Variants in DYNLT3 observed in about 807,000 individuals in gnomAD.
DYNLT3 encodes dynein light chain Tctex-type 3, also known as protein 91/23.
Under a neutral mutation model 11.0 loss-of-function variants are expected in DYNLT3, and 4 were observed. That is an observed-to-expected ratio of 0.36 (90% CI 0.18 to 0.83). The LOEUF is 0.83. DYNLT3 is among the 40% of genes least tolerant of loss of function. DYNLT3 has a pLI of 0.47. For synonymous variants in DYNLT3, 37 were observed against 31.2 expected (o/e 1.18, Z -0.61); for missense variants, 91 against 91.1 (o/e 1.00, Z 0.01).
chrX:37,842,824 A>T (rs763470132), intron 2 of DYNLT3, among the ~76,000 whole-genome samples: 19 of 112,279 alleles, frequency 1.7e-4, no homozygotes, highest in Non-Finnish European at 3.2e-4. Flanking sequence ...GTTAACTACT[A>T]TTATCATATT....
chrX:37,846,506 TA>T, intron 1 of DYNLT3, 148 bp from the exon 2 acceptor site: 1 of 475,810 alleles, frequency 2.1e-6, no homozygotes, highest in Non-Finnish European at 3.4e-6. Context: ...CCTAAACACT[TA>T]AAAATACTGA....
intron 2 of DYNLT3, among the ~76,000 whole-genome samples, chrX:37,844,675 C>G (rs1439677723): frequency 8.9e-6 from 1 of 112,170 alleles, no homozygotes; most frequent in East Asian, 2.8e-4. Flanking sequence ...TATTCCTCCC[C>G]ATGGAGGTGG....
Position 37,847,506 on chromosome X carries a change from T to C in DYNLT3, c.5A>G (p.Glu2Gly). M[E>G]EYHRHCDEVG... ...CTCGTCGCAGTGGCGATGGTACTCC[T>C]CCATGGTAGCGCCGGCTCTCCCTGG... Residue 2 changes from glutamate to glycine, a missense_variant, in exon 1 of 5, where the codon GAG (glutamate) becomes GGG (glycine). Coordinates refer to ENST00000378578, the MANE Select transcript of DYNLT3 (RefSeq NM_006520.3). The C allele has an allele frequency of 1.0e-6, 1 of 979,452 alleles. No homozygotes were observed. The highest frequency in any genetic ancestry group is 1.3e-6 in the Non-Finnish European group (1 of 775,463). 80.7% of individuals were successfully genotyped at this position (979,452 alleles called of 1,213,427 possible).
intron 2 of DYNLT3, among the ~76,000 whole-genome samples, chrX:37,842,360 A>C (rs1013047037): frequency 5.4e-5 from 6 of 111,790 alleles, no homozygotes; most frequent in African/African-American, 1.6e-4. Flanking sequence ...GATGGGACTA[A>C]TTTAAAAACA....
chrX:37,847,453 G>A (rs1298149681), intron 1 of DYNLT3, 28 bp downstream of exon 1: 1 of 1,001,136 alleles, frequency 1.0e-6, no homozygotes, highest in Non-Finnish European at 1.3e-6. Flanking sequence ...GGAGTGGGGG[G>A]CGCTCCCAGG....
chrX:37,847,241 C>T, intron 1 of DYNLT3: 1 of 958,523 alleles, frequency 1.0e-6, no homozygotes, highest in South Asian at 2.5e-5. Flanking sequence ...CAACCCTGCC[C>T]CGACCCCACC....
Position 37,839,865 on chromosome X carries a change from T to C in DYNLT3, c.*710A>G, listed in dbSNP as rs754283270. The stretch of plus-strand genomic sequence containing the variant: ...AAATGTTTGTTCCACATGGAATGAG[T>C]GAATTGTAAGGCAGCTGTTTGAGTC... On this transcript the variant is annotated 3_prime_UTR_variant, in exon 5 of 5. Transcript: ENST00000378578. 1.8e-5 allele frequency: 2 copies of C among 112,186 alleles called. No homozygotes were observed. The highest frequency in any genetic ancestry group is 3.8e-5 in the Non-Finnish European group (2 of 53,103). 9.2% of individuals were successfully genotyped at this position (112,186 alleles called of 1,213,427 possible).
chrX:37,844,439 A>G (rs370845967), intron 2 of DYNLT3, among the ~76,000 whole-genome samples: 1 of 111,657 alleles, frequency 9.0e-6, no homozygotes, highest in Non-Finnish European at 1.9e-5. Flanking sequence ...TTATCTCACT[A>G]TTTCCTGATT....
chrX:37,841,079 C>T lies in DYNLT3; in HGVS notation c.223G>A (p.Ala75Thr), dbSNP rs141761454. The T allele has an allele frequency of 4.4e-5, 53 of 1,207,909 alleles. No individual in the cohort carries two copies. The highest frequency in any genetic ancestry group is 5.9e-5 in the East Asian group (2 of 33,723). Residue 75 changes from alanine (A) to threonine (T), a missense_variant, in exon 4 of 5, where the codon GCA becomes ACA. Ala to Thr is a moderately conservative substitution (Grantham distance 58, BLOSUM62 0). Coordinates refer to ENST00000378578, the MANE Select transcript of DYNLT3 (RefSeq NM_006520.3). ...GAGCTGGCTGTGTGAAAGCCATATGCGCTCTTCTGGACCACTGCACAGGTC... is the reference window on the plus strand; with the variant it reads ...GAGCTGGCTGTGTGAAAGCCATATGTGCTCTTCTGGACCACTGCACAGGTC... ...IVTCAVVQKS[A>T]YGFHTASSCF...
chrX:37,844,271 T>G (rs746215422), intron 2 of DYNLT3, among the ~76,000 whole-genome samples: 5 of 109,706 alleles, frequency 4.6e-5, no homozygotes, highest in Non-Finnish European at 9.4e-5. Flanking sequence ...AACAGGCATA[T>G]GGTTTGAAAA....
chrX:37,844,508 C>A (rs1255380019), intron 2 of DYNLT3, among the ~76,000 whole-genome samples: 1 of 112,338 alleles, frequency 8.9e-6, no homozygotes, highest in African/African-American at 3.2e-5. Context: ...ATTTGGTTCC[C>A]TCAGACCACC....
Position 37,841,157 on chromosome X carries a change from C to T in DYNLT3, c.197-52G>A, listed in dbSNP as rs372962078. The T allele has an allele frequency of 3.7e-6, 4 of 1,091,419 alleles. No individual in the cohort carries two copies. The South Asian group carries it at 6.4e-5, about 17-fold the overall frequency. The allele number at this position is 1,091,419 out of a possible 1,213,427, so 89.9% of individuals were successfully genotyped here. A position where few individuals can be genotyped will look rare whatever the true frequency, so the allele number is the denominator to read the frequency against. On this transcript the variant is annotated intron_variant, in intron 3 of 4. Coordinates refer to ENST00000378578, the MANE Select transcript of DYNLT3 (RefSeq NM_006520.3). Reference sequence around the variant, plus strand: ...CACTTACAGACAAAGGAAAAGAGAACCAAGGTCAAAGTGTGTGAGTTCAGA... The same window carrying T: ...CACTTACAGACAAAGGAAAAGAGAATCAAGGTCAAAGTGTGTGAGTTCAGA...
chrX:37,840,406 G>T lies in DYNLT3; in HGVS notation c.*169C>A. On this transcript the variant is annotated 3_prime_UTR_variant, in exon 5 of 5. Transcript: ENST00000378578. Reference sequence around the variant, plus strand: ...TGCTGTATAGAATATGAGCTAATCTGCCAATTACTATGATATTGCTTGCTT... The same window carrying T: ...TGCTGTATAGAATATGAGCTAATCTTCCAATTACTATGATATTGCTTGCTT... 2.8e-6 allele frequency: 1 copy of T among 357,900 alleles called. No individual in the cohort carries two copies. Among genetic ancestry groups the T allele is most frequent in the Non-Finnish European group, 4.8e-6 (1 of 207,890 alleles). 29.5% of individuals were successfully genotyped at this position (357,900 alleles called of 1,213,427 possible). A position where few individuals can be genotyped will look rare whatever the true frequency, so the allele number is the denominator to read the frequency against.
chrX:37,840,715 T>C, intron 4 of DYNLT3, 64 bp from the exon 5 acceptor site: 1 of 671,679 alleles, frequency 1.5e-6, no homozygotes, highest in African/African-American at 2.5e-5. Context: ...AGAATATATA[T>C]ATATATATAC....
chrX:37,846,683 T>G (rs1376150499), intron 1 of DYNLT3, among the ~76,000 whole-genome samples: 1 of 111,739 alleles, frequency 8.9e-6, no homozygotes. Flanking sequence ...GAGGATGTTA[T>G]GTGTCATAAG....
chrX:37,840,755 C>CAG lies in DYNLT3; in HGVS notation c.275-105_275-104insCT, dbSNP rs1439805566. 14 of 218,341 alleles carry CAG rather than the reference C, an allele frequency of 6.4e-5. No homozygotes were observed. In the African/African-American group the frequency reaches 8.8e-4, roughly 14 times the overall value. The allele number at this position is 218,341 out of a possible 1,213,427, so 18.0% of individuals were successfully genotyped here. A position where few individuals can be genotyped will look rare whatever the true frequency, so the allele number is the denominator to read the frequency against. On this transcript the variant is annotated intron_variant, in intron 4 of 4. Transcript: ENST00000378578. ...ACACACACACACACACACATATACA[C>CAG]ACACACACACACACACACACACACA...
chrX:37,842,005 A>G (rs1314025956), intron 2 of DYNLT3, 100 bp from the exon 3 acceptor site: 8 of 802,973 alleles, frequency 1.0e-5, no homozygotes, highest in Non-Finnish European at 1.3e-5. Flanking sequence ...AACATAAAAT[A>G]TACTTATAGC....
At position 37,839,429 on chromosome X, in the gene DYNLT3, ATACTT is replaced by A. The variant is rs759655538; in HGVS notation, c.*1141_*1145del. On this transcript the variant is annotated 3_prime_UTR_variant, in exon 5 of 5. Coordinates refer to ENST00000378578, the MANE Select transcript of DYNLT3 (RefSeq NM_006520.3). Reference sequence around the variant, plus strand: ...GCTAAGGATTGTATACTTTTAATCTATACTTTATTCCACTCAATTTGAACCCCACA... The same window carrying A: ...GCTAAGGATTGTATACTTTTAATCTATATTCCACTCAATTTGAACCCCACA... 4 of 112,269 alleles carry A rather than the reference ATACTT, an allele frequency of 3.6e-5. No homozygotes were observed. Among genetic ancestry groups the A allele is most frequent in the African/African-American group, 1.3e-4 (4 of 30,890 alleles). The allele number at this position is 112,269 out of a possible 1,213,427, so 9.3% of individuals were successfully genotyped here.
intron 4 of DYNLT3, 108 bp downstream of exon 4, chrX:37,840,920 G>T: frequency 4.8e-6 from 4 of 829,126 alleles, no homozygotes; most frequent in Non-Finnish European, 7.1e-6. Flanking sequence ...CAATACTGTT[G>T]ATAGTCTTTT....
Sources: gnomAD v4.1 joint callset for allele counts (sites outside exome capture counted in the v4.1 genomes callset) on GRCh38, gnomAD v4.1.1 for gene constraint, MANE v1.5 for transcripts, NCBI Gene and HGNC (gene_info 2026-07-23, HGNC 2026-07-21) for gene names.